TGFBRAP1: variants seen among roughly 807,000 people sequenced by gnomAD.
TGFBRAP1 encodes the protein transforming growth factor-beta receptor-associated protein 1.
A neutral mutation model predicts 83.2 loss-of-function variants in TGFBRAP1; 20 were observed. That is an observed-to-expected ratio of 0.24 (90% CI 0.17 to 0.35). The LOEUF (loss-of-function observed/expected upper bound fraction) is 0.35. Among genes scored for constraint, TGFBRAP1 ranks in the 10% least tolerant of loss-of-function variants. TGFBRAP1 has a pLI of 1.00. For missense variants in TGFBRAP1, 950 were observed against 1,099.4 expected (o/e 0.86, Z 1.92); for synonymous variants, 415 against 459.8 (o/e 0.90, Z 1.25).
downstream of TGFBRAP1, among the ~76,000 whole-genome samples, chr2:105,259,659 C>G (rs1198057933): frequency 6.6e-6 from 1 of 152,178 alleles, no homozygotes. Flanking sequence ...TAATGAAACA[C>G]ACAGGGCAGG....
At position 105,323,796 on chromosome 2, in the gene TGFBRAP1, A is replaced by T. The variant is rs568465705; in HGVS notation, c.-18+5829T>A. 4.6e-5 allele frequency among the ~76,000 whole-genome samples: 7 copies of T among 152,326 alleles called. No homozygotes were observed. The South Asian group carries it at 1.4e-3, about 32-fold the overall frequency. On this transcript the variant is annotated intron_variant, in intron 1 of 11. Transcript: ENST00000393359. The stretch of plus-strand genomic sequence containing the variant: ...CTGACAATCACTGAAGTCCCATCTG[A>T]AAAATGCATTTTGGTAGGTTTACGG...
chr2:105,280,346 G>A (rs756185802), intron 6 of TGFBRAP1, 36 bp downstream of exon 6: 25 of 1,585,046 alleles, frequency 1.6e-5, no homozygotes, highest in African/African-American at 5.4e-5. Context: ...GGTGCAGGGC[G>A]GGAAGCCCTG....
intron 7 of TGFBRAP1, among the ~76,000 whole-genome samples, chr2:105,276,825 C>T (rs1677367197): frequency 6.6e-6 from 1 of 152,184 alleles, no homozygotes; most frequent in African/African-American, 2.4e-5. Context: ...CCACAATAGT[C>T]TCACAAAGCA....
downstream of TGFBRAP1, among the ~76,000 whole-genome samples, chr2:105,262,000 G>T (rs1018103654): frequency 5.9e-5 from 9 of 152,134 alleles, no homozygotes; most frequent in Admixed American, 3.9e-4. Flanking sequence ...TGTGCTGGGT[G>T]CTTTCAAGGG....
At chr2:105,283,369 T>G (rs78000530) in intron 5 of TGFBRAP1, among the ~76,000 whole-genome samples, 2,968 of 152,334 alleles carry the variant, frequency 0.019, 104 homozygotes, top group African/African-American at 0.067. Context: ...CCACCGTGGA[T>G]GTAAGGACGT....
At chr2:105,309,816 A>G (rs1202805948) in intron 1 of TGFBRAP1, among the ~76,000 whole-genome samples, 1 of 152,190 alleles carries the variant, frequency 6.6e-6, no homozygotes, top group Non-Finnish European at 1.5e-5. Flanking sequence ...CTTAATCCCC[A>G]GAGTGGTAGT....
intron 7 of TGFBRAP1, 30 bp downstream of exon 7, chr2:105,277,584 T>C (rs764282130): frequency 6.2e-7 from 1 of 1,612,190 alleles, no homozygotes; most frequent in Admixed American, 1.7e-5. Context: ...TGCTGATTTT[T>C]AAATCATGTG....
intron 2 of TGFBRAP1, among the ~76,000 whole-genome samples, chr2:105,304,091 T>C (rs1290722350): frequency 6.6e-6 from 1 of 152,196 alleles, no homozygotes; most frequent in Non-Finnish European, 1.5e-5. Context: ...TTATGGTGTA[T>C]GCTAATAGGG....
chr2:105,307,017 T>C (rs1242050587), intron 2 of TGFBRAP1, among the ~76,000 whole-genome samples: 1 of 151,814 alleles, frequency 6.6e-6, no homozygotes, highest in Non-Finnish European at 1.5e-5. Flanking sequence ...TAAGAGAGGG[T>C]CCCACAAGCT....
chr2:105,285,050 C>T (rs1249130603), intron 4 of TGFBRAP1, among the ~76,000 whole-genome samples: 1 of 152,224 alleles, frequency 6.6e-6, no homozygotes, highest in Non-Finnish European at 1.5e-5. Flanking sequence ...TGATCCCACG[C>T]CCCACTCCGT....
intron 2 of TGFBRAP1, among the ~76,000 whole-genome samples, chr2:105,300,914 G>C (rs1678265968): frequency 6.6e-6 from 1 of 152,180 alleles, no homozygotes; most frequent in Non-Finnish European, 1.5e-5. Flanking sequence ...AGGATAACTG[G>C]ACAGCTATAT....
chr2:105,263,170 A>G (rs1676829916), downstream of TGFBRAP1, among the ~76,000 whole-genome samples: 1 of 152,194 alleles, frequency 6.6e-6, no homozygotes, highest in African/African-American at 2.4e-5. Flanking sequence ...GTGTGAATCT[A>G]CATGTCTTCC....
At position 105,272,935 on chromosome 2, in the gene TGFBRAP1, C is replaced by T. The variant is rs1175446441; in HGVS notation, c.1892G>A (p.Gly631Asp). The T allele has an allele frequency of 6.2e-7, 1 of 1,611,714 alleles. No homozygotes were observed. Among genetic ancestry groups the T allele is most frequent in the Admixed American group, 1.7e-5 (1 of 59,966 alleles). The change falls in exon 10 of 12, where the codon GGT becomes GAT. Residue 631 changes from glycine to aspartate, a missense_variant. Coordinates refer to ENST00000393359, the MANE Select transcript of TGFBRAP1 (RefSeq NM_004257.6). ...GGCCTGCGTCTCGGTGGCCTCTGCACCCTTGCCACTGGCGGAGGCCCTCTG... is the reference window on the plus strand; with the variant it reads ...GGCCTGCGTCTCGGTGGCCTCTGCATCCTTGCCACTGGCGGAGGCCCTCTG... ...LLQRASASGK[G>D]AEATETQAKL... is the part of the protein sequence containing the mutation.
intron 5 of TGFBRAP1, among the ~76,000 whole-genome samples, chr2:105,282,550 C>T (rs1193028574): frequency 6.6e-6 from 1 of 152,168 alleles, no homozygotes; most frequent in East Asian, 1.9e-4. Flanking sequence ...TCAGGCTGGG[C>T]CTAGTGGCTC....
chr2:105,287,313 A>T (rs1677752895), intron 4 of TGFBRAP1, among the ~76,000 whole-genome samples: 1 of 152,196 alleles, frequency 6.6e-6, no homozygotes, highest in East Asian at 1.9e-4. Context: ...AATACACTCA[A>T]TGCCACAGAA....
rs1307341072 is a variant in TGFBRAP1 at position 105,307,765 on chromosome 2, G to A, written c.537C>T (p.Phe179=). The part of the protein sequence containing the change: ...QPLAVAVDGH[F]LCLALTTQYI... ...ACTGAGTGGTCAGAGCCAGACACAGGAAGTGGCCGTCCACAGCCACAGCGA... is the reference window on the plus strand; with the variant it reads ...ACTGAGTGGTCAGAGCCAGACACAGAAAGTGGCCGTCCACAGCCACAGCGA... The change falls in exon 2 of 12, where the codon TTC becomes TTT. Residue 179 remains phenylalanine (F), a synonymous_variant. Transcript: ENST00000393359. 1.1e-5 allele frequency: 17 copies of A among 1,614,180 alleles called. No homozygotes were observed. Among genetic ancestry groups the A allele is most frequent in the Non-Finnish European group, 1.4e-5 (16 of 1,180,048 alleles).
chr2:105,309,107 T>C (rs1678615086), intron 1 of TGFBRAP1, among the ~76,000 whole-genome samples: 2 of 152,220 alleles, frequency 1.3e-5, no homozygotes, highest in East Asian at 1.9e-4. Flanking sequence ...TCCCACACAC[T>C]AGCCCGTCGC....
chr2:105,275,301 C>T (rs1677299960), intron 8 of TGFBRAP1, among the ~76,000 whole-genome samples: 1 of 152,232 alleles, frequency 6.6e-6, no homozygotes, highest in Non-Finnish European at 1.5e-5. Context: ...CTGGCTATGT[C>T]TTGCTTTTCT....
chr2:105,302,683 AAGCT>A (rs1400641563), intron 2 of TGFBRAP1, among the ~76,000 whole-genome samples: 5 of 152,198 alleles, frequency 3.3e-5, no homozygotes, highest in African/African-American at 1.2e-4. Context: ...ACTTGGTAAA[AAGCT>A]AGCTGTGAGC....
Sources: gnomAD v4.1 joint callset for allele counts (sites outside exome capture counted in the v4.1 genomes callset) on GRCh38, gnomAD v4.1.1 for gene constraint, MANE v1.5 for transcripts, NCBI Gene and HGNC (gene_info 2026-07-23, HGNC 2026-07-21) for gene names.